The following REDIC1 variants were observed in gnomAD, a reference collection of about 807,000 sequenced individuals.
REDIC1 encodes the protein regulator of DNA class I crossover intermediates 1, also known as HEI10 Interacting Protein 1.
chr12:39,840,652 T>C, the REDIC1 span, among the ~76,000 whole-genome samples: 1 of 152,064 alleles, frequency 6.6e-6, no homozygotes, highest in African/African-American at 2.4e-5. Context: ...TGTTCCTCTA[T>C]GCAACTTCCT....
chr12:39,830,316 CA>C, the REDIC1 span: 3 of 1,535,668 alleles, frequency 2.0e-6, no homozygotes, highest in South Asian at 3.8e-5. Flanking sequence ...CTGCATTTTC[CA>C]CTCTCTTGTG....
the REDIC1 span, among the ~76,000 whole-genome samples, chr12:39,851,671 T>C: frequency 6.6e-6 from 1 of 152,136 alleles, no homozygotes; most frequent in African/African-American, 2.4e-5. Flanking sequence ...CCAATTATGC[T>C]AGATACATCA....
the REDIC1 span, among the ~76,000 whole-genome samples, chr12:39,813,740 G>A: frequency 1.3e-5 from 2 of 152,042 alleles, no homozygotes; most frequent in South Asian, 2.1e-4. Context: ...CTTGAAACAC[G>A]GCTGCAGCCA....
At chr12:39,726,029 G>A in the REDIC1 span, among the ~76,000 whole-genome samples, 5 of 152,156 alleles carry the variant, frequency 3.3e-5, no homozygotes, top group East Asian at 3.9e-4. Flanking sequence ...TGTCAGTCAC[G>A]TGGAACAAAT....
chr12:39,652,386 G>A, the REDIC1 span, among the ~76,000 whole-genome samples: 2 of 152,018 alleles, frequency 1.3e-5, no homozygotes, highest in Non-Finnish European at 2.9e-5. Flanking sequence ...GCGCATCCTT[G>A]TCAACACTTG....
chr12:39,856,975 G>A, the REDIC1 span, among the ~76,000 whole-genome samples: 1 of 152,152 alleles, frequency 6.6e-6, no homozygotes, highest in Non-Finnish European at 1.5e-5. Context: ...TGCTGTCACA[G>A]TCCTGGATAG....
At chr12:39,676,585 A>G in the REDIC1 span, among the ~76,000 whole-genome samples, 1 of 152,306 alleles carries the variant, frequency 6.6e-6, no homozygotes, top group East Asian at 1.9e-4. Context: ...CTAGATATTC[A>G]AATACAAGAA....
chr12:39,645,103 G>A, the REDIC1 span, among the ~76,000 whole-genome samples: 91,969 of 151,724 alleles, frequency 0.61, 29,486 homozygotes, highest in Non-Finnish European at 0.71. Context: ...TTTCTTCCAA[G>A]TATAACCAGA....
the REDIC1 span, among the ~76,000 whole-genome samples, chr12:39,647,218 T>C: frequency 6.6e-6 from 1 of 152,080 alleles, no homozygotes; most frequent in Non-Finnish European, 1.5e-5. Flanking sequence ...TGTTCAAACA[T>C]AGTAACCAGA....
chr12:39,648,763 TTAA>T, the REDIC1 span, among the ~76,000 whole-genome samples: 44 of 150,838 alleles, frequency 2.9e-4, no homozygotes, highest in African/African-American at 1.1e-3. Flanking sequence ...CAGTTTATAA[TTAA>T]TTTATAGTTT....
At chr12:39,894,801 C>T in the REDIC1 span, among the ~76,000 whole-genome samples, 2 of 150,932 alleles carry the variant, frequency 1.3e-5, no homozygotes, top group Non-Finnish European at 3.0e-5. Context: ...GGGAATAAAG[C>T]AGGGAGATGC....
the REDIC1 span, among the ~76,000 whole-genome samples, chr12:39,644,216 TAG>T: frequency 1.3e-5 from 2 of 151,788 alleles, no homozygotes; most frequent in Non-Finnish European, 3.0e-5. Flanking sequence ...AAAGTTTAGC[TAG>T]AGAGCAGGGA....
At chr12:39,851,501 T>C in the REDIC1 span, among the ~76,000 whole-genome samples, 2 of 152,240 alleles carry the variant, frequency 1.3e-5, no homozygotes, top group African/African-American at 2.4e-5. Context: ...TATTAATCTA[T>C]AAGCAAGATG....
At chr12:39,710,208 G>A in the REDIC1 span, among the ~76,000 whole-genome samples, 2 of 151,702 alleles carry the variant, frequency 1.3e-5, no homozygotes, top group East Asian at 3.9e-4. Context: ...TAAGTATAAG[G>A]TTTTCGTATC....
At chr12:39,766,016 AG>A in the REDIC1 span, among the ~76,000 whole-genome samples, 4 of 152,038 alleles carry the variant, frequency 2.6e-5, no homozygotes, top group Non-Finnish European at 1.5e-5. Flanking sequence ...TTGGCCTCAT[AG>A]TTCCTTATTT....
At chr12:39,745,771 A>G in the REDIC1 span, 4 of 152,342 alleles carry the variant, frequency 2.6e-5, no homozygotes, top group African/African-American at 9.6e-5. Context: ...TAAAGCAGCT[A>G]TGCTATGCAG....
chr12:39,664,500 C>A, the REDIC1 span, among the ~76,000 whole-genome samples: 2,080 of 152,124 alleles, frequency 0.014, 45 homozygotes, highest in African/African-American at 0.046. Flanking sequence ...GTTGGTTCCA[C>A]GTCTTTGCTA....
At chr12:39,749,798 C>T in the REDIC1 span, among the ~76,000 whole-genome samples, 1 of 152,122 alleles carries the variant, frequency 6.6e-6, no homozygotes, top group African/African-American at 2.4e-5. Flanking sequence ...AGCATATAAA[C>T]AGAACCAAAG....
the REDIC1 span, among the ~76,000 whole-genome samples, chr12:39,900,964 C>T: frequency 6.6e-6 from 1 of 152,142 alleles, no homozygotes; most frequent in South Asian, 2.1e-4. Flanking sequence ...GTAACCAAAA[C>T]AGCATGGTAC....
Sources: gnomAD v4.1 joint callset for allele counts (sites outside exome capture counted in the v4.1 genomes callset) on GRCh38, gnomAD v4.1.1 for gene constraint, MANE v1.5 for transcripts, NCBI Gene and HGNC (gene_info 2026-07-23, HGNC 2026-07-21) for gene names.